Variants in KCNMA1 observed in about 807,000 individuals in gnomAD.
KCNMA1 encodes the protein potassium calcium-activated channel subfamily M alpha 1, also known as Calcium-activated potassium channel subunit alpha-1.
A neutral mutation model predicts 140.0 loss-of-function variants in KCNMA1; 29 were observed. The ratio of observed to expected loss-of-function variants is 0.21; its 90% CI spans 0.15 to 0.28. The LOEUF (loss-of-function observed/expected upper bound fraction) is 0.28. Ranked by LOEUF, KCNMA1 falls within the 10% of genes least tolerant of loss-of-function variation. KCNMA1 has a pLI of 1.00. For synonymous variants in KCNMA1, 612 were observed against 611.9 expected, an observed-to-expected ratio of 1.00 and a Z score of 0.00; for missense variants, 880 against 1,602.2, an observed-to-expected ratio of 0.55 and a Z score of 7.70.
intron 2 of KCNMA1, 23 bp downstream of exon 2, chr10:77,403,839 G>A (rs369919706): frequency 1.2e-6 from 2 of 1,605,306 alleles, no homozygotes; most frequent in African/African-American, 2.7e-5. Context: ...GCCTCCTGGT[G>A]TGAGAAGTGG....
At chr10:77,191,526 C>T (rs1259302648) in intron 3 of KCNMA1, among the ~76,000 whole-genome samples, 1 of 152,114 alleles carries the variant, frequency 6.6e-6, no homozygotes, top group Non-Finnish European at 1.5e-5. Context: ...CGATTCTTCT[C>T]ATGTTTACAC....
At chr10:77,199,299 T>C (rs1013164276) in intron 3 of KCNMA1, among the ~76,000 whole-genome samples, 2 of 152,220 alleles carry the variant, frequency 1.3e-5, no homozygotes, top group African/African-American at 2.4e-5. Flanking sequence ...TTTGGAGACA[T>C]ATAATTCAAT....
intron 1 of KCNMA1, among the ~76,000 whole-genome samples, chr10:77,467,179 TA>T (rs1251609060): frequency 2.0e-5 from 3 of 152,132 alleles, no homozygotes; most frequent in Non-Finnish European, 4.4e-5. Flanking sequence ...CACCAGTTTT[TA>T]AAAAAACTCT....
chr10:77,585,216 T>A (rs2076943978), intron 1 of KCNMA1, among the ~76,000 whole-genome samples: 1 of 152,070 alleles, frequency 6.6e-6, no homozygotes, highest in African/African-American at 2.4e-5. Flanking sequence ...GAGGAACAAA[T>A]GGCTGCAACT....
chr10:77,534,855 C>T (rs2058502334), intron 1 of KCNMA1, among the ~76,000 whole-genome samples: 2 of 152,154 alleles, frequency 1.3e-5, no homozygotes, highest in Admixed American at 1.3e-4. Context: ...AGCCTACAAC[C>T]CATACCTACC....
chr10:76,993,081 A>C (rs989422212), intron 19 of KCNMA1, among the ~76,000 whole-genome samples: 11 of 152,202 alleles, frequency 7.2e-5, no homozygotes, highest in Non-Finnish European at 1.5e-4. Flanking sequence ...TGGAAGCAAG[A>C]GCCTCAGCGC....
At chr10:76,937,927 T>TTGTG (rs34510105) in intron 23 of KCNMA1, among the ~76,000 whole-genome samples, 6 of 149,980 alleles carry the variant, frequency 4.0e-5, no homozygotes, top group African/African-American at 1.5e-4. Flanking sequence ...GTGTGTGTGT[T>TTGTG]TGTGTGTGTG....
In KCNMA1 at chr10:76,956,712, T is replaced by C. The variant is rs144673152; in HGVS notation, c.2361-2788A>G. On this transcript the variant is annotated intron_variant, in intron 20 of 27. Transcript: ENST00000286628. ...AAATATATATACACCAATAGTTCAA[T>C]AGTTACAGTACCTTGTGGCAAGTGT... Among the ~76,000 whole-genome samples the C allele has an allele frequency of 1.2e-3, 184 of 152,196 alleles. 1 individual carries two copies. The highest frequency in any genetic ancestry group is 2.1e-3 in the Non-Finnish European group (145 of 68,018).
chr10:77,428,630 C>T (rs1343706982), intron 1 of KCNMA1, among the ~76,000 whole-genome samples: 1 of 151,980 alleles, frequency 6.6e-6, no homozygotes, highest in Non-Finnish European at 1.5e-5. Flanking sequence ...GACATAATTG[C>T]ATTGGTCCCA....
intron 1 of KCNMA1, among the ~76,000 whole-genome samples, chr10:77,484,650 C>A (rs555300406): frequency 1.3e-5 from 2 of 152,218 alleles, no homozygotes; most frequent in African/African-American, 4.8e-5. Context: ...CTGTGTATCT[C>A]CATGGTTCTC....
chr10:77,330,009 T>C (rs1406645311), intron 2 of KCNMA1, among the ~76,000 whole-genome samples: 1 of 152,234 alleles, frequency 6.6e-6, no homozygotes, highest in Non-Finnish European at 1.5e-5. Context: ...ATTGTTATTA[T>C]TATTGTTGTT....
chr10:77,313,736 G>T (rs1441480461), intron 2 of KCNMA1, among the ~76,000 whole-genome samples: 1 of 152,170 alleles, frequency 6.6e-6, no homozygotes, highest in East Asian at 1.9e-4. Flanking sequence ...GGTAAGTAAT[G>T]AACGGGATGG....
intron 1 of KCNMA1, among the ~76,000 whole-genome samples, chr10:77,492,086 C>T (rs1405503713): frequency 6.6e-6 from 1 of 152,184 alleles, no homozygotes; most frequent in Non-Finnish European, 1.5e-5. Flanking sequence ...GAATGGGAAG[C>T]CCCTCTGGTC....
At chr10:77,355,575 G>T (rs745565273) in intron 2 of KCNMA1, among the ~76,000 whole-genome samples, 14 of 152,130 alleles carry the variant, frequency 9.2e-5, no homozygotes, top group Non-Finnish European at 1.3e-4. Flanking sequence ...GGGCCTAAAA[G>T]GTGCCAGCCT....
At chr10:77,209,919 C>T (rs1260563678) in intron 3 of KCNMA1, among the ~76,000 whole-genome samples, 1 of 146,792 alleles carries the variant, frequency 6.8e-6, no homozygotes, top group Non-Finnish European at 1.5e-5. Flanking sequence ...TTAAAAAAAA[C>T]CTACCAACCA....
chr10:77,629,572 A>T (rs12240864), intron 1 of KCNMA1, among the ~76,000 whole-genome samples: 4,485 of 152,238 alleles, frequency 0.029, 223 homozygotes, highest in African/African-American at 0.1. Context: ...GTGTGTTTAC[A>T]TTTGCATGAC....
At position 76,944,755 on chromosome 10, in the gene KCNMA1, A is replaced by G. The variant is rs1373166073; in HGVS notation, c.2902+18T>C. 4 of 1,610,554 alleles carry G rather than the reference A, an allele frequency of 2.5e-6. No homozygotes were observed. The African/African-American group carries it at 5.3e-5, about 22-fold the overall frequency. ...TCCCCTGCAGGCACAGCAAAGAAGT[A>G]TTACAGGCTGTCCTTACCTTGGGAA... On this transcript the variant is annotated intron_variant, in intron 23 of 27. Transcript: ENST00000286628.
chr10:77,061,774 T>C (rs1049143288), intron 14 of KCNMA1, among the ~76,000 whole-genome samples: 6 of 152,212 alleles, frequency 3.9e-5, no homozygotes, highest in Non-Finnish European at 8.8e-5. Flanking sequence ...AATGGATGAA[T>C]GGATAAACAA....
At chr10:76,879,342 C>A (rs2033590069) in intron 29 of KCNMA1, among the ~76,000 whole-genome samples, 1 of 152,086 alleles carries the variant, frequency 6.6e-6, no homozygotes, top group Non-Finnish European at 1.5e-5. Context: ...GTTCTCCCCA[C>A]CCCCTCTCCT....
Sources: allele counts gnomAD v4.1 joint callset (sites outside exome capture counted in the v4.1 genomes callset), GRCh38; gene constraint gnomAD v4.1.1; transcripts MANE v1.5; gene names NCBI Gene and HGNC (gene_info 2026-07-23, HGNC 2026-07-21).